Variants in FILIP1L observed in about 807,000 individuals in gnomAD.
FILIP1L encodes filamin A interacting protein 1 like, also known as filamin A-interacting protein 1-like.
In FILIP1L, 55 loss-of-function variants were observed where a neutral mutation model predicts 96.6. The observed-to-expected ratio is 0.57, with a 90% CI of 0.46 to 0.71. The LOEUF (loss-of-function observed/expected upper bound fraction) is 0.71. Among genes scored for constraint, FILIP1L ranks in the 30% least tolerant of loss-of-function variants. The probability of loss-of-function intolerance (pLI) is 0.00; values close to 1 mark genes in which losing one functional copy is unlikely to be tolerated. For synonymous variants in FILIP1L, 467 were observed against 473.9 expected, an observed-to-expected ratio of 0.99 and a Z score of 0.19; for missense variants, 1,304 against 1,321.2, an observed-to-expected ratio of 0.99 and a Z score of 0.20.
chr3:100,067,166 CGTTT>C lies in FILIP1L; in HGVS notation c.-11+46883_-11+46886del, dbSNP rs4062235. Among the ~76,000 whole-genome samples the C allele has an allele frequency of 8.3e-3, 1,256 of 150,978 alleles. 5 individuals are homozygous for C. The highest frequency in any genetic ancestry group is 0.021 in the African/African-American group (861 of 41,188). ...GAAGCCCTGGCTATGTTTTTGATCTCGTTTGTTTGTTTGTTTGTTTGTTTGTTTG... is the reference window on the plus strand; with the variant it reads ...GAAGCCCTGGCTATGTTTTTGATCTCGTTTGTTTGTTTGTTTGTTTGTTTG... On this transcript the variant is annotated intron_variant, in intron 1 of 5. Transcript: ENST00000477258.
intron 4 of FILIP1L, among the ~76,000 whole-genome samples, chr3:99,878,521 TG>T (rs1423250889): frequency 6.6e-6 from 1 of 152,246 alleles, no homozygotes; most frequent in African/African-American, 2.4e-5. Context: ...CCTAATAGTT[TG>T]TTCAGAATCT....
chr3:99,972,193 G>A (rs1203820636), intron 1 of FILIP1L, among the ~76,000 whole-genome samples: 1 of 152,092 alleles, frequency 6.6e-6, no homozygotes, highest in Non-Finnish European at 1.5e-5. Context: ...CTTTTTATGG[G>A]CTTAATAAAT....
intron 1 of FILIP1L, among the ~76,000 whole-genome samples, chr3:100,057,083 A>G (rs1167816417): frequency 6.6e-6 from 1 of 152,198 alleles, no homozygotes; most frequent in Non-Finnish European, 1.5e-5. Context: ...TGGCAGGCTC[A>G]GGGCAGGAGA....
chr3:99,897,411 A>G (rs1190940409), intron 4 of FILIP1L, among the ~76,000 whole-genome samples: 1 of 152,096 alleles, frequency 6.6e-6, no homozygotes, highest in Non-Finnish European at 1.5e-5. Flanking sequence ...TACCTTTGAC[A>G]GTAAATACAG....
chr3:99,848,130 A>G (rs147230038), intron 5 of FILIP1L, 165 bp downstream of exon 5: 356 of 1,481,010 alleles, frequency 2.4e-4, no homozygotes, highest in Non-Finnish European at 2.9e-4. Flanking sequence ...GGCAACAGTT[A>G]GTTTCAGATA....
At chr3:99,993,259 T>C (rs879468122) in intron 1 of FILIP1L, among the ~76,000 whole-genome samples, 4 of 152,102 alleles carry the variant, frequency 2.6e-5, no homozygotes, top group African/African-American at 4.8e-5. Flanking sequence ...TTTAATAATA[T>C]TGATTCTTCA....
intron 3 of FILIP1L, among the ~76,000 whole-genome samples, chr3:99,927,817 C>T (rs370708915): frequency 5.9e-5 from 9 of 152,134 alleles, no homozygotes; most frequent in East Asian, 5.8e-4. Flanking sequence ...CTCTTCCCGC[C>T]CTCTTGACCA....
At chr3:100,018,746 A>T (rs1013722994) in intron 1 of FILIP1L, among the ~76,000 whole-genome samples, 1 of 152,134 alleles carries the variant, frequency 6.6e-6, no homozygotes, top group African/African-American at 2.4e-5. Flanking sequence ...AAAAAAAAAA[A>T]AAAAAATCAA....
chr3:99,905,860 A>C (rs1706598697), intron 4 of FILIP1L, among the ~76,000 whole-genome samples: 1 of 152,246 alleles, frequency 6.6e-6, no homozygotes, highest in Non-Finnish European at 1.5e-5. Flanking sequence ...TGCAAACTCT[A>C]GTTGCTTCAC....
intron 1 of FILIP1L, among the ~76,000 whole-genome samples, chr3:99,949,034 G>T (rs971478904): frequency 6.6e-6 from 1 of 152,110 alleles, no homozygotes; most frequent in Non-Finnish European, 1.5e-5. Context: ...TTATTTCCTA[G>T]CATACAGCTG....
chr3:99,915,952 A>G (rs1170067147), intron 4 of FILIP1L, among the ~76,000 whole-genome samples: 1 of 152,256 alleles, frequency 6.6e-6, no homozygotes, highest in Admixed American at 6.5e-5. Context: ...ACCTATTGGT[A>G]TCATGCAGAG....
chr3:99,911,683 G>T (rs1688782), intron 4 of FILIP1L, among the ~76,000 whole-genome samples: 1 of 152,022 alleles, frequency 6.6e-6, no homozygotes, highest in East Asian at 1.9e-4. Context: ...CTTCACATTC[G>T]CTCCCTGCAG....
chr3:100,027,456 A>G (rs973099928), intron 1 of FILIP1L, among the ~76,000 whole-genome samples: 2 of 152,136 alleles, frequency 1.3e-5, no homozygotes, highest in Non-Finnish European at 2.9e-5. Context: ...CAAAAAGAAG[A>G]ATGAGTGCTT....
intron 1 of FILIP1L, among the ~76,000 whole-genome samples, chr3:99,949,527 A>G (rs1366749836): frequency 6.6e-6 from 1 of 152,190 alleles, no homozygotes; most frequent in African/African-American, 2.4e-5. Context: ...AGTACGTTTT[A>G]TCAGTTGAAA....
At chr3:100,030,242 A>G (rs988817875) in intron 1 of FILIP1L, among the ~76,000 whole-genome samples, 1 of 152,096 alleles carries the variant, frequency 6.6e-6, no homozygotes, top group Non-Finnish European at 1.5e-5. Context: ...ACTGTATAGT[A>G]TTGGAGTTGT....
At chr3:99,928,004 A>AT (rs1022765623) in intron 3 of FILIP1L, among the ~76,000 whole-genome samples, 2 of 152,182 alleles carry the variant, frequency 1.3e-5, no homozygotes, top group African/African-American at 4.8e-5. Context: ...CATGATTGAG[A>AT]TTTTTTAGGT....
intron 4 of FILIP1L, among the ~76,000 whole-genome samples, chr3:99,866,219 A>G (rs1395260014): frequency 1.3e-5 from 2 of 151,598 alleles, no homozygotes; most frequent in African/African-American, 2.4e-5. Flanking sequence ...TCTTACCTTA[A>G]TTGTTGTTCA....
chr3:100,019,902 T>A (rs1185605790), intron 1 of FILIP1L, among the ~76,000 whole-genome samples: 1 of 152,200 alleles, frequency 6.6e-6, no homozygotes, highest in Non-Finnish European at 1.5e-5. Flanking sequence ...TTTTTTTCAC[T>A]TAAAGGAAGT....
At chr3:100,036,487 A>C (rs957020753) in intron 1 of FILIP1L, among the ~76,000 whole-genome samples, 2 of 152,242 alleles carry the variant, frequency 1.3e-5, no homozygotes, top group Non-Finnish European at 2.9e-5. Context: ...CCATTGAATA[A>C]AATAAGAATT....
Sources: allele counts gnomAD v4.1 joint callset (sites outside exome capture counted in the v4.1 genomes callset), GRCh38; gene constraint gnomAD v4.1.1; transcripts MANE v1.5; gene names NCBI Gene and HGNC (gene_info 2026-07-23, HGNC 2026-07-21).